Variants in CR2 observed in about 807,000 individuals in gnomAD.
CR2 encodes the protein complement receptor type 2.
In CR2, 96 loss-of-function variants were observed where a neutral mutation model predicts 123.0. The ratio of observed to expected loss-of-function variants is 0.78; its 90% CI spans 0.66 to 0.93. CR2 has a LOEUF of 0.93. Among genes scored for constraint, CR2 ranks in the 40% least tolerant of loss-of-function variants. The probability of loss-of-function intolerance (pLI) is 0.00; values close to 1 mark genes in which losing one functional copy is unlikely to be tolerated. For synonymous variants in CR2, 484 were observed against 469.5 expected (o/e 1.03, Z -0.40); for missense variants, 1,258 against 1,361.0 (o/e 0.92, Z 1.19).
rs762329677 is a variant in CR2 at position 207,466,874 on chromosome 1, A to G, written c.407A>G (p.Asn136Ser). 9 of 1,607,180 alleles carry G rather than the reference A, an allele frequency of 5.6e-6. No individual in the cohort carries two copies. The highest frequency in any genetic ancestry group is 4.4e-5 in the South Asian group (4 of 90,076). ...GNKSVWCQAN[N>S]MWGPTRLPTC... ...AAGTCTGTTTGGTGTCAAGCAAATA[A>G]TATGTGGGGGCCGACACGACTACCA... Residue 136 changes from asparagine to serine, a missense_variant, in exon 2 of 20, where the codon AAT (asparagine) becomes AGT (serine). By Grantham distance (46) the Asn-to-Ser change is conservative (BLOSUM62 1). Transcript: ENST00000367057.
chr1:207,458,277 ATT>A (rs35162505), intron 1 of CR2, among the ~76,000 whole-genome samples: 155 of 146,006 alleles, frequency 1.1e-3, no homozygotes, highest in Admixed American at 2.0e-3. Context: ...GCCAAGCTTC[ATT>A]TTTTTTTTTT....
intron 18 of CR2, 106 bp downstream of exon 18, chr1:207,480,159 A>G (rs1207276159): frequency 6.6e-5 from 54 of 821,364 alleles, no homozygotes; most frequent in Non-Finnish European, 1.0e-4. Context: ...AAATACTGCA[A>G]TGTGATAACT....
At chr1:207,461,849 T>C (rs573696590) in intron 1 of CR2, among the ~76,000 whole-genome samples, 2 of 152,256 alleles carry the variant, frequency 1.3e-5, no homozygotes, top group South Asian at 4.1e-4. Flanking sequence ...CTGGATGAGA[T>C]AACATGTTAT....
intron 15 of CR2, among the ~76,000 whole-genome samples, chr1:207,477,364 C>T (rs1287656538): frequency 6.6e-6 from 1 of 152,126 alleles, no homozygotes. Flanking sequence ...CCCCCATGAT[C>T]CAATGACCTC....
In CR2 at chr1:207,473,124, G is replaced by A; in HGVS notation, c.1923G>A (p.Gln641=). 1.2e-6 allele frequency: 2 copies of A among 1,613,958 alleles called. No individual in the cohort carries two copies. Among genetic ancestry groups the A allele is most frequent in the South Asian group, 1.1e-5 (1 of 91,080 alleles). The change falls in exon 10 of 20, where the codon CAG becomes CAA. Residue 641 remains glutamine (Q), a synonymous_variant. Coordinates refer to ENST00000367057, the MANE Select transcript of CR2 (RefSeq NM_001006658.3). ...YSGFTLKGSS[Q]IRCKADNTWD... ...GATTTACTTTGAAGGGCAGTAGTCA[G>A]ATTCGTTGCAAAGCTGATAACACCT...
In CR2 at chr1:207,489,684, T is replaced by C. The variant is rs557779788; in HGVS notation, c.*561T>C. On this transcript the variant is annotated 3_prime_UTR_variant, in exon 20 of 20. Coordinates refer to ENST00000367057, the MANE Select transcript of CR2 (RefSeq NM_001006658.3). ...GTTTCTCTCACATTACTGTATATAC[T>C]TTGCCTTTCCATAATCACTCAGTGA... 5 of 152,336 alleles carry C rather than the reference T, an allele frequency of 3.3e-5. No homozygotes were observed. The East Asian group carries it at 7.7e-4, about 24-fold the overall frequency. 9.4% of individuals were successfully genotyped at this position (152,336 alleles called of 1,614,324 possible).
At chr1:207,486,308 G>A (rs1308059171) in intron 19 of CR2, among the ~76,000 whole-genome samples, 1 of 150,144 alleles carries the variant, frequency 6.7e-6, no homozygotes, top group Non-Finnish European at 1.5e-5. Context: ...AACAGTAGGT[G>A]CAAAGGCCAT....
At chr1:207,464,478 G>T (rs536585304) in intron 1 of CR2, among the ~76,000 whole-genome samples, 3 of 152,308 alleles carry the variant, frequency 2.0e-5, no homozygotes, top group South Asian at 2.1e-4. Context: ...GTGCCATATT[G>T]GATGTAATAG....
At position 207,477,957 on chromosome 1, in the gene CR2, A is replaced by G. The variant is rs1658485394; in HGVS notation, c.2975A>G (p.Tyr992Cys). 2 of 1,614,108 alleles carry G rather than the reference A, an allele frequency of 1.2e-6. No individual in the cohort carries two copies. Among genetic ancestry groups the G allele is most frequent in the Middle Eastern group, 1.7e-4 (1 of 6,058 alleles). ...CTGGAACCAAGGAAAATGTATCAGT[A>G]TGGAGCTGTTGTAACTCTGGAGTGT... ...KGLEPRKMYQ[Y>C]GAVVTLECED... is the part of the protein sequence containing the mutation. The change falls in exon 16 of 20, where the codon TAT becomes TGT. Residue 992 changes from tyrosine to cysteine, a missense_variant. Transcript: ENST00000367057.
At chr1:207,478,159 T>G in intron 16 of CR2, 89 bp downstream of exon 16, 1 of 1,351,502 alleles carries the variant, frequency 7.4e-7, no homozygotes, top group Non-Finnish European at 1.0e-6. Flanking sequence ...GTCCTGGGTT[T>G]TAAATTGACA....
chr1:207,454,801 C>T lies in CR2; in HGVS notation c.58+325C>T. 6.4e-6 allele frequency: 2 copies of T among 314,016 alleles called. No individual in the cohort carries two copies. Among genetic ancestry groups the T allele is most frequent in the Non-Finnish European group, 1.2e-5 (2 of 169,394 alleles). The allele number at this position is 314,016 out of a possible 1,614,324, so 19.5% of individuals were successfully genotyped here. A position where few individuals can be genotyped will look rare whatever the true frequency, so the allele number is the denominator to read the frequency against. ...CCCCCAGGATTCTGCAGGTGCTCAT[C>T]GCTCTCTGGCCGGCGGTCAGCGCTA... On this transcript the variant is annotated intron_variant, in intron 1 of 19. Coordinates refer to ENST00000367057, the MANE Select transcript of CR2 (RefSeq NM_001006658.3). This position sits in a 1 kb window ranked among gnomAD's most constrained non-coding sequence, Gnocchi z 4.3.
chr1:207,481,186 G>A (rs1341897050), intron 18 of CR2, among the ~76,000 whole-genome samples: 2 of 151,730 alleles, frequency 1.3e-5, no homozygotes, highest in African/African-American at 2.4e-5. Flanking sequence ...TAATCCATTA[G>A]GAATTTATTT....
chr1:207,473,964 TG>T (rs781493813), intron 12 of CR2, 79 bp downstream of exon 12: 2 of 1,358,632 alleles, frequency 1.5e-6, no homozygotes, highest in Non-Finnish European at 2.1e-6. Flanking sequence ...CTTGTCTTGG[TG>T]GCATCCTTTA....
chr1:207,470,151 A>T (rs1282342084), intron 6 of CR2, 49 bp downstream of exon 6: 1 of 1,609,140 alleles, frequency 6.2e-7, no homozygotes, highest in East Asian at 2.2e-5. Flanking sequence ...GTTTCTGAAA[A>T]ATTAGAAGAA....
chr1:207,481,220 C>T, intron 18 of CR2, among the ~76,000 whole-genome samples: 1 of 151,960 alleles, frequency 6.6e-6, no homozygotes, highest in Non-Finnish European at 1.5e-5. Flanking sequence ...TTGAAGTAAA[C>T]CTACTTGTAC....
At position 207,454,635 on chromosome 1, in the gene CR2, C is replaced by T. The variant is rs1378476527; in HGVS notation, c.58+159C>T. ...TTTGAGGGACCACTGCAATAAACCG[C>T]CTGGTCCTGATTGTCCCCACTGGCC... On this transcript the variant is annotated intron_variant, in intron 1 of 19. Coordinates refer to ENST00000367057, the MANE Select transcript of CR2 (RefSeq NM_001006658.3). The surrounding 1 kb of genome is among the most constrained non-coding windows in gnomAD (Gnocchi z 4.3). 2 of 611,026 alleles carry T rather than the reference C, an allele frequency of 3.3e-6. No individual in the cohort carries two copies. The highest frequency in any genetic ancestry group is 2.0e-5 in the South Asian group (1 of 50,452). The allele number at this position is 611,026 out of a possible 1,614,324, so 37.9% of individuals were successfully genotyped here.
At position 207,471,779 on chromosome 1, in the gene CR2, A is replaced by T. The variant is rs754729009; in HGVS notation, c.1570+280A>T. ...ATGAGCCACCATCTTAATTTTGGGT[A>T]TACCACAGTTTAGTGGAGAGAGTAA... is the stretch of plus-strand genomic sequence containing the variant. On this transcript the variant is annotated intron_variant, in intron 9 of 19. Coordinates refer to ENST00000367057, the MANE Select transcript of CR2 (RefSeq NM_001006658.3). 1.5e-4 allele frequency: 60 copies of T among 390,648 alleles called. 1 individual carries two copies. The highest frequency in any genetic ancestry group is 6.8e-4 in the South Asian group (32 of 47,180). The allele number at this position is 390,648 out of a possible 1,614,324, so 24.2% of individuals were successfully genotyped here.
chr1:207,464,171 G>A (rs1288542925), intron 1 of CR2, among the ~76,000 whole-genome samples: 1 of 152,140 alleles, frequency 6.6e-6, no homozygotes, highest in East Asian at 1.9e-4. Flanking sequence ...GCGGGGACTG[G>A]TGACCAGCTC....
At chr1:207,489,088 G>C (rs756228472) in intron 19 of CR2, 54 bp from the exon 20 acceptor site, 1 of 152,292 alleles carries the variant, frequency 6.6e-6, no homozygotes, top group Non-Finnish European at 1.5e-5. Flanking sequence ...TTTAAACTTC[G>C]AGTTGCACCG....
Sources: allele counts gnomAD v4.1 joint callset (sites outside exome capture counted in the v4.1 genomes callset), GRCh38; gene constraint gnomAD v4.1.1; non-coding constraint Gnocchi (gnomAD v3.1); transcripts MANE v1.5; gene names NCBI Gene and HGNC (gene_info 2026-07-23, HGNC 2026-07-21).